The following RWDD1 variants were observed in gnomAD, a reference collection of about 807,000 sequenced individuals.
The protein encoded by RWDD1 is RWD domain-containing protein 1.
In RWDD1, 17 loss-of-function variants were observed where a neutral mutation model predicts 31.6. The ratio of observed to expected loss-of-function variants is 0.54; its 90% CI spans 0.37 to 0.81. The LOEUF is 0.81. Among genes scored for constraint, RWDD1 ranks in the 30% least tolerant of loss-of-function variants. The pLI is 0.00. For missense variants in RWDD1, 204 were observed against 274.5 expected (o/e 0.74, Z 1.82); for synonymous variants, 78 against 94.2 (o/e 0.83, Z 0.99).
At chr6:116,592,172 C>G (rs1775156941) in intron 6 of RWDD1, among the ~76,000 whole-genome samples, 1 of 151,790 alleles carries the variant, frequency 6.6e-6, no homozygotes, top group Non-Finnish European at 1.5e-5. Context: ...CAATCTTTCT[C>G]AAATCTGGCC....
rs776754280 is a variant in RWDD1, at chr6:116,590,327, A to G, written c.470A>G (p.Lys157Arg). ...TIENFLNWKA[K>R]FDAELLEIKK... Reference sequence around the variant, plus strand: ...GAGAATTTCTTAAATTGGAAAGCCAAGTTTGATGCAGAACTCTTGGAAATT... The same window carrying G: ...GAGAATTTCTTAAATTGGAAAGCCAGGTTTGATGCAGAACTCTTGGAAATT... Residue 157 changes from lysine to arginine, a missense_variant, in exon 5 of 7, where the codon AAG becomes AGG. Lys to Arg is a conservative substitution (Grantham distance 26). Coordinates refer to ENST00000466444, the MANE Select transcript of RWDD1 (RefSeq NM_015952.4). 1 of 1,601,832 alleles carries G rather than the reference A, an allele frequency of 6.2e-7. No homozygotes were observed. The highest frequency in any genetic ancestry group is 1.1e-5 in the South Asian group (1 of 87,924).
At chr6:116,578,771 G>A (rs1432165318) in intron 1 of RWDD1, among the ~76,000 whole-genome samples, 2 of 152,114 alleles carry the variant, frequency 1.3e-5, no homozygotes, top group African/African-American at 2.4e-5. Context: ...AATCTACTGA[G>A]TCTTTTATCT....
At chr6:116,585,796 A>G (rs1266568767) in intron 3 of RWDD1, among the ~76,000 whole-genome samples, 1 of 151,798 alleles carries the variant, frequency 6.6e-6, no homozygotes, top group Non-Finnish European at 1.5e-5. Context: ...CTTTTTTTAT[A>G]TATTTTTATT....
intron 4 of RWDD1, among the ~76,000 whole-genome samples, chr6:116,589,591 G>T (rs1237126397): frequency 5.3e-5 from 8 of 152,132 alleles, no homozygotes; most frequent in Non-Finnish European, 8.8e-5. Context: ...AAATTGATGT[G>T]TATTCAAAAC....
At position 116,593,602 on chromosome 6, in the gene RWDD1, C is replaced by T. The variant is rs1775188092; in HGVS notation, c.*501C>T. The T allele has an allele frequency of 6.6e-6, 1 of 152,282 alleles. No homozygotes were observed. The highest frequency in any genetic ancestry group is 1.5e-5 in the Non-Finnish European group (1 of 68,142). 9.4% of individuals were successfully genotyped at this position (152,282 alleles called of 1,614,324 possible). ...ATAAGTAAGATGAAGTTTAGCCTTC[C>T]TTTTAGTCCATTTTGTATTGCCGTA... is the stretch of plus-strand genomic sequence containing the variant. On this transcript the variant is annotated 3_prime_UTR_variant, in exon 7 of 7. Coordinates refer to ENST00000466444, the MANE Select transcript of RWDD1 (RefSeq NM_015952.4).
intron 1 of RWDD1, among the ~76,000 whole-genome samples, chr6:116,579,313 A>G (rs180721677): frequency 6.6e-6 from 1 of 152,356 alleles, no homozygotes; most frequent in African/African-American, 2.4e-5. Flanking sequence ...GCTGCTGCCA[A>G]CCTTGACAAG....
Position 116,595,003 on chromosome 6 carries a change from C to A in RWDD1, c.*1902C>A, listed in dbSNP as rs1481486467. ...ATCCCAGACCAATAGAATGGAATAA[C>A]AACAGGAATGTTCAGCATTTCTTTG... is the stretch of plus-strand genomic sequence containing the variant. On this transcript the variant is annotated 3_prime_UTR_variant, in exon 7 of 7. Transcript: ENST00000466444. 6.6e-6 allele frequency: 1 copy of A among 152,194 alleles called. No individual in the cohort carries two copies. Among genetic ancestry groups the A allele is most frequent in the Admixed American group, 6.5e-5 (1 of 15,288 alleles). The allele number at this position is 152,194 out of a possible 1,614,324, so 9.4% of individuals were successfully genotyped here. A position where few individuals can be genotyped will look rare whatever the true frequency, so the allele number is the denominator to read the frequency against.
chr6:116,586,584 A>G lies in RWDD1; in HGVS notation c.270+1727A>G, dbSNP rs191620415. On this transcript the variant is annotated intron_variant, in intron 3 of 6. Transcript: ENST00000466444. Reference sequence around the variant, plus strand: ...TGTCTTTCATTTTTGCCTGATATATAATTAACAAATAATCAAGAATTAGTA... The same window carrying G: ...TGTCTTTCATTTTTGCCTGATATATGATTAACAAATAATCAAGAATTAGTA... 3.3e-5 allele frequency among the ~76,000 whole-genome samples: 5 copies of G among 152,298 alleles called. No individual in the cohort carries two copies. The East Asian group carries it at 7.7e-4, about 23-fold the overall frequency.
intron 3 of RWDD1, 88 bp downstream of exon 3, chr6:116,584,945 G>A (rs1380903043): frequency 2.8e-6 from 3 of 1,062,114 alleles, no homozygotes; most frequent in Non-Finnish European, 4.2e-6. Context: ...AAATGCTATT[G>A]TGTAAACAGA....
intron 6 of RWDD1, 32 bp downstream of exon 6, chr6:116,590,982 C>A: frequency 1.3e-6 from 2 of 1,544,888 alleles, no homozygotes; most frequent in Admixed American, 2.3e-5. Context: ...ACATGTGGGA[C>A]AGGCACAGTA....
Position 116,591,028 on chromosome 6 carries a change from A to G in RWDD1, c.610+78A>G, listed in dbSNP as rs1025254374. The G allele has an allele frequency of 2.0e-6, 3 of 1,481,448 alleles. No individual in the cohort carries two copies. In the East Asian group the frequency reaches 7.7e-5, roughly 38 times the overall value. The allele number at this position is 1,481,448 out of a possible 1,614,324, so 91.8% of individuals were successfully genotyped here. On this transcript the variant is annotated intron_variant, in intron 6 of 6. Coordinates refer to ENST00000466444, the MANE Select transcript of RWDD1 (RefSeq NM_015952.4). ...GTAATCCCAGCATTTTGGAAAGCCAAGGCAGGAGGATTGCTTGAGCCCAGG... is the reference window on the plus strand; with the variant it reads ...GTAATCCCAGCATTTTGGAAAGCCAGGGCAGGAGGATTGCTTGAGCCCAGG...
intron 4 of RWDD1, 31 bp downstream of exon 4, chr6:116,589,016 A>G: frequency 1.6e-6 from 2 of 1,241,852 alleles, no homozygotes; most frequent in South Asian, 3.0e-5. Context: ...TTCTTTTATT[A>G]TTTCTTAAAT....
chr6:116,588,932 A>G lies in RWDD1; in HGVS notation c.361A>G (p.Arg121Gly), dbSNP rs772414611. Reference sequence around the variant, plus strand: ...TGAAATAGTAGATCAGATAAAAACTAGAAGAGAAGAAGAAAAGAAACAAAA... The same window carrying G: ...TGAAATAGTAGATCAGATAAAAACTGGAAGAGAAGAAGAAAAGAAACAAAA... ...LNEIVDQIKT[R>G]REEEKKQKEK... Residue 121 changes from arginine to glycine, a missense_variant, in exon 4 of 7, where the codon AGA becomes GGA. Physicochemically the swap from Arg to Gly is moderately radical, Grantham distance 125. Coordinates refer to ENST00000466444, the MANE Select transcript of RWDD1 (RefSeq NM_015952.4). 37 of 1,457,148 alleles carry G rather than the reference A, an allele frequency of 2.5e-5. No individual in the cohort carries two copies. The highest frequency in any genetic ancestry group is 3.4e-5 in the Non-Finnish European group (37 of 1,094,140). The allele number at this position is 1,457,148 out of a possible 1,614,324, so 90.3% of individuals were successfully genotyped here.
At chr6:116,579,900 A>T (rs1774917799) in intron 1 of RWDD1, among the ~76,000 whole-genome samples, 1 of 152,240 alleles carries the variant, frequency 6.6e-6, no homozygotes, top group Admixed American at 6.5e-5. Flanking sequence ...TAAGTATAAA[A>T]ATCAGTGAAA....
intron 1 of RWDD1, among the ~76,000 whole-genome samples, chr6:116,579,978 T>A (rs910502415): frequency 2.0e-5 from 3 of 152,218 alleles, no homozygotes; most frequent in Non-Finnish European, 4.4e-5. Context: ...TGGGATTTTT[T>A]AAGAATGTAA....
At chr6:116,592,160 C>A (rs185221976) in intron 6 of RWDD1, among the ~76,000 whole-genome samples, 1 of 152,272 alleles carries the variant, frequency 6.6e-6, no homozygotes, top group African/African-American at 2.4e-5. Flanking sequence ...GAATGACCTA[C>A]ACAATCTTTC....
Position 116,593,116 on chromosome 6 carries a change from C to T in RWDD1, c.*15C>T. The T allele has an allele frequency of 6.2e-7, 1 of 1,605,276 alleles. No homozygotes were observed. The highest frequency in any genetic ancestry group is 8.5e-7 in the Non-Finnish European group (1 of 1,176,830). ...CAGCTGACTAATGGACTGTCCCCAT[C>T]TGCAGAGAGGCTTGACTGCCACAGC... On this transcript the variant is annotated 3_prime_UTR_variant, in exon 7 of 7. Coordinates refer to ENST00000466444, the MANE Select transcript of RWDD1 (RefSeq NM_015952.4).
intron 1 of RWDD1, chr6:116,573,081 T>A (rs1337083122): frequency 1.2e-6 from 1 of 815,222 alleles, no homozygotes; most frequent in African/African-American, 1.9e-5. Flanking sequence ...ATATTCTTAA[T>A]CATGTTTGGT....
At position 116,590,466 on chromosome 6, in the gene RWDD1, A is replaced by G. The variant is rs545370173; in HGVS notation, c.547+62A>G. 302 of 1,490,534 alleles carry G rather than the reference A, an allele frequency of 2.0e-4. 1 individual carries two copies. The African/African-American group carries it at 3.7e-3, about 18-fold the overall frequency. 92.3% of individuals were successfully genotyped at this position (1,490,534 alleles called of 1,614,324 possible). ...CTCCTGTATCATTTTTTATATAGCA[A>G]GAGGATCATTTGGTCAGATTTCTGT... On this transcript the variant is annotated intron_variant, in intron 5 of 6. Coordinates refer to ENST00000466444, the MANE Select transcript of RWDD1 (RefSeq NM_015952.4).
Sources: gnomAD v4.1 joint callset for allele counts (sites outside exome capture counted in the v4.1 genomes callset) on GRCh38, gnomAD v4.1.1 for gene constraint, MANE v1.5 for transcripts, NCBI Gene and HGNC (gene_info 2026-07-23, HGNC 2026-07-21) for gene names.